Variants in IL13RA1 observed in about 807,000 individuals in gnomAD.
IL13RA1 encodes the protein interleukin 13 receptor subunit alpha 1.
IL13RA1 carries 14 observed loss-of-function variants against 33.8 expected under a neutral mutation model. That is an observed-to-expected ratio of 0.41 (90% CI 0.27 to 0.65). The LOEUF (loss-of-function observed/expected upper bound fraction) is 0.65. IL13RA1 is among the 30% of genes least tolerant of loss of function. IL13RA1 has a pLI of 0.28. For missense variants in IL13RA1, 313 were observed against 327.0 expected, an observed-to-expected ratio of 0.96 and a Z score of 0.33; for synonymous variants, 116 against 115.7, an observed-to-expected ratio of 1.00 and a Z score of -0.02.
chrX:118,803,521 TTAAAAC>T, the IL13RA1 span, among the ~76,000 whole-genome samples: 3 of 112,441 alleles, frequency 2.7e-5, no homozygotes, highest in Admixed American at 2.8e-4. Context: ...TTATCACACT[TTAAAAC>T]TAAACAATAA....
At chrX:118,727,822 G>C in intron 1 of IL13RA1, 96 bp downstream of exon 1, 1 of 356,816 alleles carries the variant, frequency 2.8e-6, no homozygotes, top group South Asian at 1.6e-4. Flanking sequence ...CGGGCGGAGG[G>C]CCGAAGCTGG....
intron 9 of IL13RA1, among the ~76,000 whole-genome samples, chrX:118,775,110 G>C (rs1353314247): frequency 3.6e-5 from 4 of 111,322 alleles, no homozygotes; most frequent in African/African-American, 1.3e-4. Context: ...GGTGATAGGA[G>C]GTGCATTTTA....
chrX:118,801,252 G>T, the IL13RA1 span, among the ~76,000 whole-genome samples: 1 of 112,402 alleles, frequency 8.9e-6, no homozygotes, highest in South Asian at 3.6e-4. Flanking sequence ...AGAAATGTCT[G>T]ATTTCTAATT....
intron 4 of IL13RA1, among the ~76,000 whole-genome samples, chrX:118,755,492 A>G (rs1164166733): frequency 9.0e-6 from 1 of 111,193 alleles, no homozygotes; most frequent in Non-Finnish European, 1.9e-5. Context: ...TGAATTCAGT[A>G]TATAAATTTT....
At position 118,744,821 on chromosome X, in the gene IL13RA1, C is replaced by T. The variant is rs112769825; in HGVS notation, c.229-2133C>T. Among the ~76,000 whole-genome samples, 459 of 112,268 alleles carry T rather than the reference C, an allele frequency of 4.1e-3. 1 individual carries two copies. The highest frequency in any genetic ancestry group is 0.014 in the African/African-American group (430 of 30,992). Reference sequence around the variant, plus strand: ...ATTATAATATGAAAACTGGGATTATCTTCATGATGATTCTAATTTGACTGT... The same window carrying T: ...ATTATAATATGAAAACTGGGATTATTTTCATGATGATTCTAATTTGACTGT... On this transcript the variant is annotated intron_variant, in intron 2 of 10. Coordinates refer to ENST00000371666, the MANE Select transcript of IL13RA1 (RefSeq NM_001560.3).
intron 10 of IL13RA1, among the ~76,000 whole-genome samples, chrX:118,777,049 A>G (rs970576316): frequency 9.2e-6 from 1 of 108,437 alleles, no homozygotes; most frequent in Non-Finnish European, 1.9e-5. Flanking sequence ...GTCATTAAAT[A>G]CATTTATAAG....
the IL13RA1 span, among the ~76,000 whole-genome samples, chrX:118,804,394 TACACACACAC>T: frequency 2.9e-4 from 26 of 89,709 alleles, no homozygotes; most frequent in African/African-American, 9.0e-4. Flanking sequence ...CAGCCATGCA[TACACACACAC>T]ACACACACAC....
chrX:118,736,593 AGTTTT>A (rs1180371423), intron 1 of IL13RA1, among the ~76,000 whole-genome samples: 1 of 110,528 alleles, frequency 9.0e-6, no homozygotes, highest in African/African-American at 3.3e-5. Flanking sequence ...CTGTATATAT[AGTTTT>A]GTTTCATTTT....
chrX:118,754,353 A>G lies in IL13RA1; in HGVS notation c.489-3702A>G, dbSNP rs756283535. Among the ~76,000 whole-genome samples, 5 of 111,502 alleles carry G rather than the reference A, an allele frequency of 4.5e-5. No homozygotes were observed. The South Asian group carries it at 1.5e-3, about 34-fold the overall frequency. ...TCAATCCATAATAGCTATTATTACTATTGGCCAGGCGTGGTGGCTCACGCC... is the reference window on the plus strand; with the variant it reads ...TCAATCCATAATAGCTATTATTACTGTTGGCCAGGCGTGGTGGCTCACGCC... On this transcript the variant is annotated intron_variant, in intron 4 of 10. Coordinates refer to ENST00000371666, the MANE Select transcript of IL13RA1 (RefSeq NM_001560.3).
chrX:118,790,013 A>G (rs2017959520), intron 10 of IL13RA1, among the ~76,000 whole-genome samples: 1 of 112,252 alleles, frequency 8.9e-6, no homozygotes, highest in African/African-American at 3.2e-5. Context: ...GTAATTTACA[A>G]TAAAATTTAC....
chrX:118,770,517 C>T (rs1463166861), intron 8 of IL13RA1: 2 of 537,603 alleles, frequency 3.7e-6, no homozygotes, highest in South Asian at 4.5e-5. Flanking sequence ...ACAACGGCTT[C>T]ATCAACCAGG....
intron 6 of IL13RA1, among the ~76,000 whole-genome samples, chrX:118,765,615 C>G (rs992234632): frequency 8.9e-6 from 1 of 112,036 alleles, no homozygotes; most frequent in East Asian, 2.8e-4. Context: ...TTCTTATGAA[C>G]GTTCACATAC....
At position 118,746,983 on chromosome X, in the gene IL13RA1, A is replaced by G. The variant is rs377169391; in HGVS notation, c.258A>G (p.Ile86Met). 1.8e-4 allele frequency: 218 copies of G among 1,182,352 alleles called. No homozygotes were observed. Among genetic ancestry groups the G allele is most frequent in the Non-Finnish European group, 2.5e-4 (215 of 871,323 alleles). ...KKIAPETRRS[I>M]EVPLNERICL... is the part of the protein sequence containing the mutation. Reference sequence around the variant, plus strand: ...TAGCTCCGGAAACTCGTCGTTCAATAGAAGTACCCCTGAATGAGAGGATTT... The same window carrying G: ...TAGCTCCGGAAACTCGTCGTTCAATGGAAGTACCCCTGAATGAGAGGATTT... The change falls in exon 3 of 11, where the codon ATA becomes ATG. Residue 86 changes from isoleucine to methionine, a missense_variant. Coordinates refer to ENST00000371666, the MANE Select transcript of IL13RA1 (RefSeq NM_001560.3).
intron 9 of IL13RA1, 65 bp from the exon 10 acceptor site, chrX:118,776,362 G>A (rs2017780469): frequency 8.1e-6 from 4 of 496,732 alleles, no homozygotes; most frequent in African/African-American, 4.7e-5. Flanking sequence ...TTAATATGGT[G>A]GTATTTATGT....
chrX:118,769,351 C>T (rs990023470), intron 8 of IL13RA1, among the ~76,000 whole-genome samples: 5 of 112,607 alleles, frequency 4.4e-5, no homozygotes, highest in African/African-American at 1.6e-4. Context: ...TGGAATTGGA[C>T]AGTGGAACTG....
chrX:118,786,976 C>T (rs181964063), intron 10 of IL13RA1, among the ~76,000 whole-genome samples: 5 of 112,039 alleles, frequency 4.5e-5, no homozygotes, highest in African/African-American at 1.6e-4. Context: ...ATGTTGAGTC[C>T]GTTTATATAC....
At chrX:118,776,257 C>T (rs1209896839) in intron 9 of IL13RA1, among the ~76,000 whole-genome samples, 170 bp from the exon 10 acceptor site, 1 of 111,647 alleles carries the variant, frequency 9.0e-6, no homozygotes, top group African/African-American at 3.3e-5. Flanking sequence ...GCCCTTAGAA[C>T]ATTGATTTTT....
chrX:118,773,421 G>A (rs776418405), intron 8 of IL13RA1, among the ~76,000 whole-genome samples: 4 of 111,942 alleles, frequency 3.6e-5, no homozygotes, highest in African/African-American at 1.3e-4. Flanking sequence ...AAACATGGAG[G>A]CGGAGGTTGC....
intron 8 of IL13RA1, among the ~76,000 whole-genome samples, chrX:118,771,667 G>T (rs951986575): frequency 8.9e-6 from 1 of 112,283 alleles, no homozygotes; most frequent in Non-Finnish European, 1.9e-5. Flanking sequence ...CTTGTGGAAT[G>T]AATTTTTAAA....
Sources: gnomAD v4.1 joint callset for allele counts (sites outside exome capture counted in the v4.1 genomes callset) on GRCh38, gnomAD v4.1.1 for gene constraint, MANE v1.5 for transcripts, NCBI Gene and HGNC (gene_info 2026-07-23, HGNC 2026-07-21) for gene names.